The following UGT1A10 variants were observed in gnomAD, a reference collection of about 807,000 sequenced individuals.
The protein encoded by UGT1A10 is UDP glucuronosyltransferase family 1 member A10.
UGT1A10 carries 49 observed loss-of-function variants against 45.8 expected under a neutral mutation model. That is an observed-to-expected ratio of 1.07 (90% confidence interval 0.85 to 1.36). The LOEUF is 1.36. UGT1A10 is among the 40% of genes most tolerant of loss of function. UGT1A10 has a pLI of 0.00. For missense variants in UGT1A10, 745 were observed against 668.6 expected (o/e 1.11, Z -1.26); for synonymous variants, 284 against 249.7 (o/e 1.14, Z -1.29).
intron 1 of UGT1A10, among the ~76,000 whole-genome samples, chr2:233,674,342 A>C (rs2074281026): frequency 6.6e-6 from 1 of 152,198 alleles, no homozygotes; most frequent in African/African-American, 2.4e-5. Context: ...AATGGCAGAA[A>C]TCTAAGAGGT....
At chr2:233,701,099 T>C (rs2075610283) in intron 1 of UGT1A10, among the ~76,000 whole-genome samples, 2 of 152,224 alleles carry the variant, frequency 1.3e-5, no homozygotes, top group South Asian at 4.1e-4. Flanking sequence ...TGTGCCACAT[T>C]TTCTTAATCC....
At chr2:233,735,081 G>T (rs541127094) in intron 1 of UGT1A10, among the ~76,000 whole-genome samples, 3 of 152,254 alleles carry the variant, frequency 2.0e-5, no homozygotes, top group African/African-American at 7.2e-5. Context: ...TTAACCTTTG[G>T]TCTTGTTGAA....
At chr2:233,730,753 G>T (rs115158591) in intron 1 of UGT1A10, among the ~76,000 whole-genome samples, 5 of 152,244 alleles carry the variant, frequency 3.3e-5, no homozygotes, top group African/African-American at 1.2e-4. Flanking sequence ...GAGGAGATAA[G>T]ACTGTGAATC....
At chr2:233,749,821 C>T (rs1469380104) in intron 1 of UGT1A10, among the ~76,000 whole-genome samples, 1 of 151,926 alleles carries the variant, frequency 6.6e-6, no homozygotes, top group African/African-American at 2.4e-5. Context: ...TCCTCTTTCT[C>T]TCTTTCATGT....
rs187561805 is a variant in UGT1A10 at position 233,713,630 on chromosome 2, C to T, written c.856-53404C>T. ...TGACATTCCTGCAAAGGGTCAAGAA[C>T]ATGCTCTACCCTCTGGCCCTGTCCT... is the stretch of plus-strand genomic sequence containing the variant. On this transcript the variant is annotated intron_variant, in intron 1 of 4. Transcript: ENST00000344644. The T allele has an allele frequency of 4.3e-6, 7 of 1,613,980 alleles. No individual in the cohort carries two copies. The African/African-American group carries it at 6.7e-5, about 15-fold the overall frequency.
intron 1 of UGT1A10, among the ~76,000 whole-genome samples, chr2:233,730,806 G>C (rs374048907): frequency 3.3e-5 from 5 of 152,118 alleles, no homozygotes; most frequent in South Asian, 2.1e-4. Flanking sequence ...ATGGACATGC[G>C]TCCAAGAAGG....
intron 1 of UGT1A10, chr2:233,682,767 G>C: frequency 6.2e-7 from 1 of 1,613,624 alleles, no homozygotes; most frequent in Admixed American, 1.7e-5. Context: ...GGTATCAACT[G>C]TCATCAGGGA....
chr2:233,739,708 G>C lies in UGT1A10; in HGVS notation c.856-27326G>C, dbSNP rs578128950. Reference sequence around the variant, plus strand: ...TGTTTTTGATTTTACAGGCTCATGGGGGAAGGGACTTGACTTGTCTCAGAT... The same window carrying C: ...TGTTTTTGATTTTACAGGCTCATGGCGGAAGGGACTTGACTTGTCTCAGAT... On this transcript the variant is annotated intron_variant, in intron 1 of 4. Coordinates refer to ENST00000344644, the MANE Select transcript of UGT1A10 (RefSeq NM_019075.4). 2.0e-5 allele frequency among the ~76,000 whole-genome samples: 3 copies of C among 152,316 alleles called. No homozygotes were observed. The East Asian group carries it at 5.8e-4, about 29-fold the overall frequency.
intron 1 of UGT1A10, among the ~76,000 whole-genome samples, chr2:233,728,930 G>A (rs144892248): frequency 6.9e-6 from 1 of 145,550 alleles, no homozygotes; most frequent in East Asian, 1.9e-4. Flanking sequence ...GTCATGATCG[G>A]TCTTTTCCAG....
At chr2:233,644,750 G>T (rs1232825229) in intron 1 of UGT1A10, among the ~76,000 whole-genome samples, 10 of 152,030 alleles carry the variant, frequency 6.6e-5, no homozygotes, top group Admixed American at 2.6e-4. Flanking sequence ...CAGGGGGTTG[G>T]GTGACATAGG....
At chr2:233,767,718 A>G in intron 2 of UGT1A10, 131 bp from the exon 3 acceptor site, 1 of 1,541,762 alleles carries the variant, frequency 6.5e-7, no homozygotes, top group Non-Finnish European at 8.7e-7. Context: ...AAGCCTTCAC[A>G]GTTACTGATC....
At chr2:233,699,341 G>T (rs920217279) in intron 1 of UGT1A10, among the ~76,000 whole-genome samples, 1 of 152,132 alleles carries the variant, frequency 6.6e-6, no homozygotes, top group Admixed American at 6.5e-5. Context: ...ATCCACCCTA[G>T]GGCTAACCTC....
Position 233,772,356 on chromosome 2 carries a change from A to G in UGT1A10, c.1390A>G (p.Arg464Gly). Reference protein sequence around the residue: ...LAVFWVEFVMRHKGAPHLRPA... With the variant: ...LAVFWVEFVMGHKGAPHLRPA... ...CGTGTTCTGGGTGGAGTTTGTGATG[A>G]GGCACAAGGGCGCGCCACACCTGCG... The change falls in exon 5 of 5, where the codon AGG (arginine) becomes GGG (glycine). Residue 464 changes from arginine to glycine, a missense_variant. Transcript: ENST00000344644. 6.2e-7 allele frequency: 1 copy of G among 1,614,222 alleles called. No individual in the cohort carries two copies. The highest frequency in any genetic ancestry group is 1.6e-4 in the Middle Eastern group (1 of 6,062).
chr2:233,772,380 C>A lies in UGT1A10; in HGVS notation c.1414C>A (p.Arg472Ser), dbSNP rs566674185. ...GAGGCACAAGGGCGCGCCACACCTG[C>A]GCCCCGCAGCCCACGACCTCACCTG... ...VMRHKGAPHL[R>S]PAAHDLTWYQ... Residue 472 changes from arginine to serine, a missense_variant, in exon 5 of 5, where the codon CGC becomes AGC. Transcript: ENST00000344644. The A allele has an allele frequency of 6.2e-7, 1 of 1,614,262 alleles. No homozygotes were observed. The highest frequency in any genetic ancestry group is 1.1e-5 in the South Asian group (1 of 91,086).
At chr2:233,646,320 ATTTTCCCCATGGTTTTGGGGAT>A (rs1381145455) in intron 1 of UGT1A10, among the ~76,000 whole-genome samples, 1 of 152,082 alleles carries the variant, frequency 6.6e-6, no homozygotes, top group Non-Finnish European at 1.5e-5. Flanking sequence ...CCCTGGAGAC[ATTTTCCCCATGGTTTTGGGGAT>A]TAACATTCGG....
chr2:233,671,137 A>G (rs1303698162), intron 1 of UGT1A10, among the ~76,000 whole-genome samples: 2 of 152,248 alleles, frequency 1.3e-5, no homozygotes, highest in African/African-American at 4.8e-5. Flanking sequence ...AGACAAGTAC[A>G]TATTTTCCTG....
At chr2:233,724,407 G>T (rs1452797462) in intron 1 of UGT1A10, among the ~76,000 whole-genome samples, 1 of 141,630 alleles carries the variant, frequency 7.1e-6, no homozygotes, top group Non-Finnish European at 1.5e-5. Flanking sequence ...CCCAGATGGG[G>T]TGGCTGCCGG....
intron 1 of UGT1A10, chr2:233,729,215 A>G (rs766332130): frequency 6.2e-7 from 1 of 1,614,066 alleles, no homozygotes; most frequent in Non-Finnish European, 8.5e-7. Flanking sequence ...GAGAGTGGAA[A>G]GGTGTTGGTG....
intron 1 of UGT1A10, chr2:233,760,592 A>G (rs2125986394): frequency 1.1e-5 from 18 of 1,614,212 alleles, no homozygotes; most frequent in Non-Finnish European, 1.5e-5. Flanking sequence ...GTTTTTGAGA[A>G]TGATTCTTTC....
Sources: gnomAD v4.1 joint callset for allele counts (sites outside exome capture counted in the v4.1 genomes callset) on GRCh38, gnomAD v4.1.1 for gene constraint, MANE v1.5 for transcripts, NCBI Gene and HGNC (gene_info 2026-07-23, HGNC 2026-07-21) for gene names.